The following CHRM3 variants were observed in gnomAD, a reference collection of about 807,000 sequenced individuals.
The protein encoded by CHRM3 is cholinergic receptor muscarinic 3.
In CHRM3, 11 loss-of-function variants were observed where a neutral mutation model predicts 41.8. The ratio of observed to expected loss-of-function variants is 0.26; its 90% confidence interval spans 0.17 to 0.44. The LOEUF is 0.44. CHRM3 is among the 20% of genes least tolerant of loss of function. The pLI is 1.00. For missense variants in CHRM3, 571 were observed against 745.4 expected, an observed-to-expected ratio of 0.77 and a Z score of 2.72; for synonymous variants, 297 against 301.4, an observed-to-expected ratio of 0.99 and a Z score of 0.15.
chr1:239,579,646 C>T (rs189190949), intron 3 of CHRM3, among the ~76,000 whole-genome samples: 280 of 152,190 alleles, frequency 1.8e-3, no homozygotes, highest in Non-Finnish European at 2.8e-3. Flanking sequence ...TTTCTTATTC[C>T]TAAAATAAAT....
Position 239,909,497 on chromosome 1 carries a change from G to T in CHRM3, c.*273G>T, listed in dbSNP as rs557266867. 1 of 335,784 alleles carries T rather than the reference G, an allele frequency of 3.0e-6. No homozygotes were observed. The highest frequency in any genetic ancestry group is 5.4e-5 in the East Asian group (1 of 18,360). The allele number at this position is 335,784 out of a possible 1,614,324, so 20.8% of individuals were successfully genotyped here. A position where few individuals can be genotyped will look rare whatever the true frequency, so the allele number is the denominator to read the frequency against. On this transcript the variant is annotated 3_prime_UTR_variant, in exon 7 of 7. Transcript: ENST00000676153. ...TTACGTGTTTTTTTCTTAAAGAGGA[G>T]AAAAATATTGCTTGACGGCAATTAT...
intron 5 of CHRM3, among the ~76,000 whole-genome samples, chr1:239,801,632 A>G (rs1489475397): frequency 6.6e-6 from 1 of 152,206 alleles, no homozygotes; most frequent in Admixed American, 6.5e-5. Flanking sequence ...TTTTCCTGCC[A>G]AGCAGCCATC....
At chr1:239,414,342 T>C (rs1661336016) in intron 1 of CHRM3, among the ~76,000 whole-genome samples, 1 of 151,806 alleles carries the variant, frequency 6.6e-6, no homozygotes, top group South Asian at 2.1e-4. Context: ...TAAAAAAAAG[T>C]TGTTAATCTC....
chr1:239,751,375 T>C (rs893730511), intron 5 of CHRM3, among the ~76,000 whole-genome samples: 2 of 152,208 alleles, frequency 1.3e-5, no homozygotes, highest in Admixed American at 6.5e-5. Flanking sequence ...GCATCCTTTT[T>C]GTTATTCTAG....
chr1:239,433,190 A>G (rs898459806), intron 1 of CHRM3, among the ~76,000 whole-genome samples: 6 of 152,196 alleles, frequency 3.9e-5, no homozygotes, highest in Admixed American at 1.3e-4. Flanking sequence ...TATTCTAAGA[A>G]TAGGTTTATA....
chr1:239,900,459 G>A (rs1052807871), intron 6 of CHRM3, among the ~76,000 whole-genome samples: 10 of 147,664 alleles, frequency 6.8e-5, no homozygotes, highest in African/African-American at 2.0e-4. Flanking sequence ...TAGGACCTCC[G>A]TTGCTGAGCC....
intron 3 of CHRM3, among the ~76,000 whole-genome samples, chr1:239,551,186 C>T (rs1199045758): frequency 1.4e-4 from 11 of 79,402 alleles, no homozygotes; most frequent in Admixed American, 1.1e-3. Flanking sequence ...GAGGGAGTTT[C>T]GGTTTCACTC....
chr1:239,801,510 C>A (rs975139878), intron 5 of CHRM3, among the ~76,000 whole-genome samples: 2 of 152,158 alleles, frequency 1.3e-5, no homozygotes, highest in Admixed American at 1.3e-4. Flanking sequence ...ACAGTGATTC[C>A]TTTATTGTTT....
intron 1 of CHRM3, among the ~76,000 whole-genome samples, chr1:239,466,303 T>C (rs1665724450): frequency 6.6e-6 from 1 of 152,128 alleles, no homozygotes; most frequent in Non-Finnish European, 1.5e-5. Flanking sequence ...CCCATTTCAA[T>C]TTAATCAATA....
At chr1:239,481,099 A>G (rs1326460116) in intron 1 of CHRM3, among the ~76,000 whole-genome samples, 1 of 152,214 alleles carries the variant, frequency 6.6e-6, no homozygotes, top group Non-Finnish European at 1.5e-5. Flanking sequence ...GTTAAATAGA[A>G]TGGGGTACAT....
At chr1:239,786,918 C>G (rs775119171) in intron 5 of CHRM3, among the ~76,000 whole-genome samples, 6 of 152,112 alleles carry the variant, frequency 3.9e-5, no homozygotes, top group Non-Finnish European at 5.9e-5. Flanking sequence ...TACAGGGAGC[C>G]ACTGAAGGAC....
rs573408931 is a variant in CHRM3, at chr1:239,912,961, A to T, written c.*3737A>T. ...CCTAAACTTTCTGGGTTTTATCCTC[A>T]TTGCTCAAACTAAGCAACAACACCG... On this transcript the variant is annotated 3_prime_UTR_variant, in exon 7 of 7. Coordinates refer to ENST00000676153, the MANE Select transcript of CHRM3 (RefSeq NM_001375978.1). The T allele has an allele frequency of 6.0e-6, 1 of 167,194 alleles. No individual in the cohort carries two copies. Among genetic ancestry groups the T allele is most frequent in the African/African-American group, 2.4e-5 (1 of 41,568 alleles). 10.4% of individuals were successfully genotyped at this position (167,194 alleles called of 1,614,324 possible). A position where few individuals can be genotyped will look rare whatever the true frequency, so the allele number is the denominator to read the frequency against.
At chr1:239,682,561 ATTTGT>A (rs1329662239) in intron 5 of CHRM3, among the ~76,000 whole-genome samples, 1 of 151,966 alleles carries the variant, frequency 6.6e-6, no homozygotes, top group Non-Finnish European at 1.5e-5. Flanking sequence ...ATTTTCTACT[ATTTGT>A]TTTATTTGCT....
chr1:239,762,311 CATT>C (rs778531791), intron 5 of CHRM3, among the ~76,000 whole-genome samples: 3 of 152,138 alleles, frequency 2.0e-5, no homozygotes, highest in Non-Finnish European at 4.4e-5. Context: ...TCTCTAGCAT[CATT>C]ATATAACATC....
At chr1:239,666,040 G>A (rs1482293514) in intron 4 of CHRM3, among the ~76,000 whole-genome samples, 2 of 152,104 alleles carry the variant, frequency 1.3e-5, no homozygotes, top group African/African-American at 4.8e-5. Context: ...ACCCAGCAAT[G>A]GGATTGCTGG....
chr1:239,480,599 C>T (rs1399736476), intron 1 of CHRM3, among the ~76,000 whole-genome samples: 1 of 142,646 alleles, frequency 7.0e-6, no homozygotes, highest in East Asian at 2.0e-4. Flanking sequence ...CTCTGTCACC[C>T]AGGCTGGAGT....
At chr1:239,825,516 T>C (rs1672385618) in intron 5 of CHRM3, among the ~76,000 whole-genome samples, 1 of 152,306 alleles carries the variant, frequency 6.6e-6, no homozygotes, top group South Asian at 2.1e-4. Context: ...TGTATGTTAT[T>C]GTCATTCTGT....
chr1:239,684,633 A>G (rs1197803342), intron 5 of CHRM3, among the ~76,000 whole-genome samples: 1 of 151,056 alleles, frequency 6.6e-6, no homozygotes, highest in African/African-American at 2.4e-5. Flanking sequence ...CCTGGGCAAC[A>G]GAGCGAGATT....
At chr1:239,795,563 G>A (rs1030163486) in intron 5 of CHRM3, among the ~76,000 whole-genome samples, 3 of 152,080 alleles carry the variant, frequency 2.0e-5, no homozygotes, top group African/African-American at 7.2e-5. Context: ...CCAAATACAT[G>A]TCCGTTAAAG....
Sources: gnomAD v4.1 joint callset for allele counts (sites outside exome capture counted in the v4.1 genomes callset) on GRCh38, gnomAD v4.1.1 for gene constraint, MANE v1.5 for transcripts, NCBI Gene and HGNC (gene_info 2026-07-23, HGNC 2026-07-21) for gene names.